The following GALNTL6 variants were observed in gnomAD, a reference collection of about 807,000 sequenced individuals.
The protein encoded by GALNTL6 is polypeptide N-acetylgalactosaminyltransferase-like 6.
A neutral mutation model predicts 73.7 loss-of-function variants in GALNTL6; 46 were observed. That is an observed-to-expected ratio of 0.62 (90% CI 0.49 to 0.80). The LOEUF is 0.80. Ranked by LOEUF, GALNTL6 falls within the 30% of genes least tolerant of loss-of-function variation. The probability of loss-of-function intolerance (pLI) is 0.00; values close to 1 mark genes in which losing one functional copy is unlikely to be tolerated. For missense variants in GALNTL6, 604 were observed against 755.0 expected (o/e 0.80, Z 2.34); for synonymous variants, 259 against 263.7 (o/e 0.98, Z 0.17).
intron 2 of GALNTL6, among the ~76,000 whole-genome samples, chr4:172,186,330 G>A (rs1735413908): frequency 6.6e-6 from 1 of 152,132 alleles, no homozygotes; most frequent in Admixed American, 6.5e-5. Context: ...TGTTGGGGCT[G>A]TGAAATGTTT....
intron 5 of GALNTL6, among the ~76,000 whole-genome samples, chr4:172,806,819 G>A (rs1249717020): frequency 6.6e-6 from 1 of 151,864 alleles, no homozygotes; most frequent in East Asian, 1.9e-4. Flanking sequence ...TATCTTTTGT[G>A]GTCCAAAAAA....
chr4:172,011,262 T>C (rs1233504177), intron 2 of GALNTL6, among the ~76,000 whole-genome samples: 3 of 152,074 alleles, frequency 2.0e-5, no homozygotes, highest in Admixed American at 6.6e-5. Context: ...GGAACAAGAA[T>C]TGGTCTGGAG....
intron 2 of GALNTL6, among the ~76,000 whole-genome samples, chr4:171,942,675 C>T (rs1384815296): frequency 1.3e-5 from 2 of 152,190 alleles, no homozygotes; most frequent in Non-Finnish European, 2.9e-5. Flanking sequence ...ATGGACAATA[C>T]AGATTGCACC....
At chr4:172,561,381 G>T (rs1287931755) in intron 5 of GALNTL6, among the ~76,000 whole-genome samples, 2 of 151,108 alleles carry the variant, frequency 1.3e-5, no homozygotes, top group African/African-American at 4.9e-5. Context: ...CTTACCCCCT[G>T]TTCTTTAACT....
At chr4:172,634,026 A>G (rs1739532167) in intron 5 of GALNTL6, among the ~76,000 whole-genome samples, 1 of 152,228 alleles carries the variant, frequency 6.6e-6, no homozygotes, top group Non-Finnish European at 1.5e-5. Context: ...CTCTGGGAAC[A>G]GGCTAATACA....
chr4:172,042,847 C>A (rs1258289211), intron 2 of GALNTL6, among the ~76,000 whole-genome samples: 1 of 100,434 alleles, frequency 1.0e-5, no homozygotes. Context: ...TTGTTCTATC[C>A]GAGCAATCTT....
At chr4:172,578,801 A>G (rs764503384) in intron 5 of GALNTL6, among the ~76,000 whole-genome samples, 3 of 152,196 alleles carry the variant, frequency 2.0e-5, no homozygotes, top group Non-Finnish European at 4.4e-5. Context: ...GTGTGTTTTT[A>G]TCTCTATGGA....
At chr4:172,646,252 G>A (rs1357776930) in intron 5 of GALNTL6, among the ~76,000 whole-genome samples, 2 of 152,004 alleles carry the variant, frequency 1.3e-5, no homozygotes, top group East Asian at 1.9e-4. Context: ...GAAAAGATTG[G>A]GGTTTTGACT....
At chr4:171,885,642 C>CA (rs985319412) in intron 2 of GALNTL6, among the ~76,000 whole-genome samples, 1 of 151,736 alleles carries the variant, frequency 6.6e-6, no homozygotes, top group African/African-American at 2.4e-5. Context: ...CCTGTCTCCG[C>CA]AAAAAATAAA....
chr4:172,785,239 C>T (rs1560950917), intron 5 of GALNTL6, among the ~76,000 whole-genome samples: 1 of 152,104 alleles, frequency 6.6e-6, no homozygotes, highest in Non-Finnish European at 1.5e-5. Flanking sequence ...GGTCATAATA[C>T]TTTTATGGAA....
At chr4:171,842,389 C>CA (rs1435413253) in intron 2 of GALNTL6, among the ~76,000 whole-genome samples, 3 of 152,042 alleles carry the variant, frequency 2.0e-5, no homozygotes, top group Non-Finnish European at 4.4e-5. Context: ...AAAGTAGACA[C>CA]AAAAAATAAA....
At chr4:171,982,360 C>G (rs796768837) in intron 2 of GALNTL6, among the ~76,000 whole-genome samples, 42 of 152,184 alleles carry the variant, frequency 2.8e-4, no homozygotes, top group Admixed American at 6.5e-4. Context: ...TGCAGTGGCG[C>G]GATCTCGGCC....
chr4:172,358,039 G>T (rs1223114963), intron 5 of GALNTL6, among the ~76,000 whole-genome samples: 2 of 152,040 alleles, frequency 1.3e-5, no homozygotes, highest in Admixed American at 1.3e-4. Context: ...ATGAAAAAAA[G>T]ATTTTCCTTT....
intron 5 of GALNTL6, among the ~76,000 whole-genome samples, chr4:172,631,816 A>G (rs1739408809): frequency 2.0e-5 from 3 of 152,218 alleles, no homozygotes; most frequent in Non-Finnish European, 2.9e-5. Context: ...TACATCTTTA[A>G]TAAAGTACTG....
rs185487337 is a variant in GALNTL6, at chr4:172,364,473, T to A, written c.553+15784T>A. 9.8e-4 allele frequency among the ~76,000 whole-genome samples: 149 copies of A among 152,222 alleles called. 1 individual carries two copies. In the South Asian group the frequency reaches 0.016, roughly 16 times the overall value. The stretch of plus-strand genomic sequence containing the variant: ...AGCATCAGAACCTATCTAGCACCCA[T>A]GTCAGGGGAGTCTTATATTAAATGC... On this transcript the variant is annotated intron_variant, in intron 5 of 12. Transcript: ENST00000506823.
intron 2 of GALNTL6, among the ~76,000 whole-genome samples, chr4:172,053,702 A>G (rs1368392406): frequency 6.6e-6 from 1 of 152,110 alleles, no homozygotes; most frequent in Non-Finnish European, 1.5e-5. Context: ...TTCAATCAGA[A>G]AGAAACAAAT....
intron 2 of GALNTL6, among the ~76,000 whole-genome samples, chr4:171,841,933 C>G (rs1002843934): frequency 1.3e-5 from 2 of 151,782 alleles, no homozygotes; most frequent in Admixed American, 1.3e-4. Context: ...ATAAGTGATT[C>G]TTCTAAAATA....
chr4:172,739,840 A>G lies in GALNTL6; in HGVS notation c.554-69521A>G, dbSNP rs1448908817. Among the ~76,000 whole-genome samples, 4 of 152,084 alleles carry G rather than the reference A, an allele frequency of 2.6e-5. No individual in the cohort carries two copies. The East Asian group carries it at 7.7e-4, about 29-fold the overall frequency. Reference sequence around the variant, plus strand: ...TAGCTGAAAAAAAGAAATGCTTGTTATAATAAGCCTCTCAGTGGGGGAAAA... The same window carrying G: ...TAGCTGAAAAAAAGAAATGCTTGTTGTAATAAGCCTCTCAGTGGGGGAAAA... On this transcript the variant is annotated intron_variant, in intron 5 of 12. Coordinates refer to ENST00000506823, the MANE Select transcript of GALNTL6 (RefSeq NM_001034845.3).
chr4:172,731,778 T>C (rs1022727144), intron 5 of GALNTL6, among the ~76,000 whole-genome samples: 6 of 152,122 alleles, frequency 3.9e-5, no homozygotes, highest in African/African-American at 1.4e-4. Context: ...AAAATTTCCT[T>C]CTTAATTTTA....
Sources: allele counts gnomAD v4.1 joint callset (sites outside exome capture counted in the v4.1 genomes callset), GRCh38; gene constraint gnomAD v4.1.1; transcripts MANE v1.5; gene names NCBI Gene and HGNC (gene_info 2026-07-23, HGNC 2026-07-21).